Variants in PLS1 observed in about 807,000 individuals in gnomAD.
PLS1 encodes the protein plastin 1, also known as plastin-1.
In PLS1, 32 loss-of-function variants were observed where a neutral mutation model predicts 73.7. The ratio of observed to expected loss-of-function variants is 0.43; its 90% CI spans 0.33 to 0.58. The LOEUF (loss-of-function observed/expected upper bound fraction) is 0.58, where lower values mean the gene tolerates loss of function less well. PLS1 is among the 20% of genes least tolerant of loss of function. The probability of loss-of-function intolerance (pLI) is 0.04; values close to 1 mark genes in which losing one functional copy is unlikely to be tolerated. For missense variants in PLS1, 633 were observed against 740.5 expected, an observed-to-expected ratio of 0.85 and a Z score of 1.68; for synonymous variants, 217 against 261.3, an observed-to-expected ratio of 0.83 and a Z score of 1.63.
At chr3:142,686,461 T>C in intron 9 of PLS1, 85 bp downstream of exon 9, 1 of 782,314 alleles carries the variant, frequency 1.3e-6, no homozygotes, top group South Asian at 1.4e-5. Context: ...CAGTGTTCAG[T>C]TCAGTGGCAT....
intron 1 of PLS1, among the ~76,000 whole-genome samples, chr3:142,620,293 T>C (rs2036291130): frequency 6.6e-6 from 1 of 152,048 alleles, no homozygotes; most frequent in Admixed American, 6.5e-5. Context: ...CCTGGCTAAT[T>C]TTTTTGTATT....
intron 2 of PLS1, among the ~76,000 whole-genome samples, chr3:142,667,948 G>A (rs539781685): frequency 8.6e-4 from 131 of 152,278 alleles, no homozygotes; most frequent in African/African-American, 3.0e-3. Context: ...GTTATTGGTG[G>A]TTCTAGTTTA....
chr3:142,689,608 T>G lies in PLS1; in HGVS notation c.982-10T>G. 6.7e-7 allele frequency: 1 copy of G among 1,491,482 alleles called. No individual in the cohort carries two copies. The highest frequency in any genetic ancestry group is 1.4e-5 in the South Asian group (1 of 71,540). 92.4% of individuals were successfully genotyped at this position (1,491,482 alleles called of 1,614,324 possible). A position where few individuals can be genotyped will look rare whatever the true frequency, so the allele number is the denominator to read the frequency against. On this transcript the variant is annotated splice_polypyrimidine_tract_variant and intron_variant, in intron 9 of 15. Coordinates refer to ENST00000457734, the MANE Select transcript of PLS1 (RefSeq NM_001145319.2). ...ACTTCAATTGTAACCATTTTTGTTT[T>G]ATTGTTTAGGAGACAAATGACCTGA...
rs780231822 is a variant in PLS1 at position 142,703,884 on chromosome 3, A to T, written c.1388A>T (p.Tyr463Phe). 5 of 1,608,738 alleles carry T rather than the reference A, an allele frequency of 3.1e-6. No homozygotes were observed. The highest frequency in any genetic ancestry group is 4.3e-6 in the Non-Finnish European group (5 of 1,175,148). The stretch of plus-strand genomic sequence containing the variant: ...TATTTATAGATTGAAAACTGTAACT[A>T]TGCAGTGGAACTTGGGAAGAACAAG... ...GNMKKIENCNYAVELGKNKAK... is the reference protein window; with the variant it reads ...GNMKKIENCNFAVELGKNKAK... Residue 463 changes from tyrosine to phenylalanine, a missense_variant, in exon 13 of 16, where the codon TAT (tyrosine) becomes TTT (phenylalanine). Transcript: ENST00000457734.
intron 1 of PLS1, among the ~76,000 whole-genome samples, chr3:142,629,857 C>T (rs780902400): frequency 6.6e-6 from 1 of 152,104 alleles, no homozygotes; most frequent in Non-Finnish European, 1.5e-5. Context: ...TGTTTAGCAA[C>T]GTCCCTGGCC....
chr3:142,711,428 T>C, intron 14 of PLS1, 73 bp from the exon 15 acceptor site: 1 of 1,159,546 alleles, frequency 8.6e-7, no homozygotes, highest in South Asian at 1.6e-5. Context: ...AGTTATATGA[T>C]CAGAAGAGTC....
rs1933167677 is a variant in PLS1 at position 142,712,249 on chromosome 3, GATTAA to G, written c.*247_*251del. ...ATTCATAATCAAGCTGATACTTCAT[GATTAA>G]ATTATTTTTGTTGCTTAAAAGTCGT... On this transcript the variant is annotated 3_prime_UTR_variant, in exon 16 of 16. Coordinates refer to ENST00000457734, the MANE Select transcript of PLS1 (RefSeq NM_001145319.2). 4 of 319,212 alleles carry G rather than the reference GATTAA, an allele frequency of 1.3e-5. No homozygotes were observed. In the East Asian group the frequency reaches 2.0e-4, roughly 16 times the overall value. 19.8% of individuals were successfully genotyped at this position (319,212 alleles called of 1,614,324 possible).
intron 1 of PLS1, among the ~76,000 whole-genome samples, chr3:142,612,985 C>A (rs1577773393): frequency 6.6e-6 from 1 of 152,152 alleles, no homozygotes; most frequent in African/African-American, 2.4e-5. Context: ...AGGCTGGTCT[C>A]GAACTCCCAA....
At position 142,684,073 on chromosome 3, in the gene PLS1, C is replaced by T. The variant is rs35435507; in HGVS notation, c.647C>T (p.Ser216Leu). The T allele has an allele frequency of 7.8e-3, 12,598 of 1,613,500 alleles. 817 individuals are homozygous for T. The African/African-American group carries it at 0.15, about 19-fold the overall frequency. Reference sequence around the variant, plus strand: ...TGTACAGTGGTCAACATTGGTGCATCAGATCTCAAAGAAGGAAAACCTCAC... The same window carrying T: ...TGTACAGTGGTCAACATTGGTGCATTAGATCTCAAAGAAGGAAAACCTCAC... ...IGCTVVNIGA[S>L]DLKEGKPHLV... is the part of the protein sequence containing the mutation. Residue 216 changes from serine to leucine, a missense_variant, in exon 7 of 16, where the codon TCA becomes TTA. Ser to Leu is a moderately radical substitution (Grantham distance 145). Coordinates refer to ENST00000457734, the MANE Select transcript of PLS1 (RefSeq NM_001145319.2).
At chr3:142,683,602 C>T (rs566700814) in intron 6 of PLS1, among the ~76,000 whole-genome samples, 66 of 152,324 alleles carry the variant, frequency 4.3e-4, no homozygotes, top group African/African-American at 1.5e-3. Flanking sequence ...GTTTCCTCAT[C>T]TGTAAAATCC....
intron 1 of PLS1, among the ~76,000 whole-genome samples, chr3:142,632,623 G>A: frequency 6.6e-6 from 1 of 150,858 alleles, no homozygotes; most frequent in Non-Finnish European, 1.5e-5. Context: ...CCCTGAGACG[G>A]GGTCTTGTTC....
At chr3:142,600,912 A>ATT (rs1560024555) in intron 1 of PLS1, among the ~76,000 whole-genome samples, 27 of 20,782 alleles carry the variant, frequency 1.3e-3, no homozygotes, top group African/African-American at 1.6e-3. Flanking sequence ...ATATATATAT[A>ATT]TATATTTTTT....
chr3:142,643,684 C>T (rs906758844), intron 1 of PLS1, among the ~76,000 whole-genome samples: 1 of 152,008 alleles, frequency 6.6e-6, no homozygotes, highest in Non-Finnish European at 1.5e-5. Context: ...ACTGAGTATG[C>T]GTAGAGCTAA....
At chr3:142,695,832 T>C (rs1036799755) in intron 11 of PLS1, among the ~76,000 whole-genome samples, 7 of 152,076 alleles carry the variant, frequency 4.6e-5, no homozygotes, top group African/African-American at 1.7e-4. Context: ...TTCACTCTTG[T>C]TGCCCAGGCT....
At chr3:142,614,607 C>G (rs1173650183) in intron 1 of PLS1, among the ~76,000 whole-genome samples, 4 of 152,224 alleles carry the variant, frequency 2.6e-5, no homozygotes, top group Admixed American at 1.3e-4. Flanking sequence ...AAGAATCCAA[C>G]ACTCAATGAG....
chr3:142,612,492 T>C (rs2036142020), intron 1 of PLS1, among the ~76,000 whole-genome samples: 1 of 152,254 alleles, frequency 6.6e-6, no homozygotes, highest in Non-Finnish European at 1.5e-5. Flanking sequence ...CCACTGTAGA[T>C]ATAGCCTTAG....
intron 1 of PLS1, chr3:142,627,922 T>C (rs1916639): frequency 0.6 from 91,570 of 151,874 alleles, 28,277 homozygotes; most frequent in African/African-American, 0.73. Flanking sequence ...TGAGCCACCA[T>C]GCTGGGCCAA....
chr3:142,689,864 A>G (rs1266842114), intron 10 of PLS1, 51 bp downstream of exon 10: 4 of 1,175,944 alleles, frequency 3.4e-6, no homozygotes, highest in East Asian at 5.0e-5. Flanking sequence ...TTCTTATGGT[A>G]TTGTCTTACT....
intron 1 of PLS1, among the ~76,000 whole-genome samples, chr3:142,655,518 C>T (rs2140435): frequency 0.044 from 6,708 of 151,784 alleles, 489 homozygotes; most frequent in African/African-American, 0.15. Flanking sequence ...GTCAGGAGTT[C>T]GAGACCAGCC....
Sources: gnomAD v4.1 joint callset for allele counts (sites outside exome capture counted in the v4.1 genomes callset) on GRCh38, gnomAD v4.1.1 for gene constraint, MANE v1.5 for transcripts, NCBI Gene and HGNC (gene_info 2026-07-23, HGNC 2026-07-21) for gene names.